The following STK33 variants were observed in gnomAD, a reference collection of about 807,000 sequenced individuals.
STK33 encodes the protein serine/threonine kinase 33.
In STK33, 52 loss-of-function variants were observed where a neutral mutation model predicts 58.0. The ratio of observed to expected loss-of-function variants is 0.90; its 90% CI spans 0.72 to 1.13. The LOEUF is 1.13. STK33 is among the 50% of genes most tolerant of loss of function. The probability of loss-of-function intolerance (pLI) is 0.00; values close to 1 mark genes in which losing one functional copy is unlikely to be tolerated. For missense variants in STK33, 630 were observed against 604.2 expected (o/e 1.04, Z -0.45); for synonymous variants, 215 against 200.1 (o/e 1.07, Z -0.63).
chr11:8,381,803 G>A, the STK33 span, among the ~76,000 whole-genome samples: 2 of 152,146 alleles, frequency 1.3e-5, no homozygotes, highest in African/African-American at 4.8e-5. Context: ...TGTGGTCTGA[G>A]CCATTTCACT....
chr11:8,425,248 T>C (rs1162560435), intron 14 of STK33, among the ~76,000 whole-genome samples: 2 of 152,234 alleles, frequency 1.3e-5, no homozygotes, highest in Non-Finnish European at 2.9e-5. Context: ...AGGGAATCGT[T>C]TCCCCATTTC....
chr11:8,357,823 C>T, the STK33 span, among the ~76,000 whole-genome samples: 1 of 152,220 alleles, frequency 6.6e-6, no homozygotes, highest in Non-Finnish European at 1.5e-5. Context: ...GGGAGCTCTA[C>T]ATGGGGCCAC....
downstream of STK33, among the ~76,000 whole-genome samples, chr11:8,389,045 T>A (rs1848582547): frequency 6.6e-6 from 1 of 152,226 alleles, no homozygotes; most frequent in Non-Finnish European, 1.5e-5. Context: ...GGAAAGGGTC[T>A]CCACCACTTG....
intron 1 of STK33, among the ~76,000 whole-genome samples, chr11:8,585,353 T>G (rs2031353282): frequency 6.7e-6 from 1 of 149,434 alleles, no homozygotes; most frequent in African/African-American, 2.5e-5. Flanking sequence ...ACCTCCTGAG[T>G]AGCTGGGACT....
chr11:8,435,904 A>G, intron 13 of STK33, 123 bp downstream of exon 13: 1 of 539,442 alleles, frequency 1.9e-6, no homozygotes, highest in Non-Finnish European at 3.1e-6. Flanking sequence ...CCACAAGTAA[A>G]TAGTGTTCAT....
chr11:8,457,968 A>G (rs923443640), intron 8 of STK33, among the ~76,000 whole-genome samples: 3 of 152,166 alleles, frequency 2.0e-5, no homozygotes, highest in African/African-American at 7.2e-5. Flanking sequence ...TGAAGTGGTG[A>G]GGAGTGAGGC....
chr11:8,497,292 A>ATAGACACATAT (rs1459774196), intron 1 of STK33, among the ~76,000 whole-genome samples: 12 of 152,328 alleles, frequency 7.9e-5, no homozygotes, highest in African/African-American at 2.9e-4. Flanking sequence ...AAGATCATAC[A>ATAGACACATAT]TAGACACATA....
At chr11:8,548,130 G>C (rs982326048) in intron 1 of STK33, among the ~76,000 whole-genome samples, 2 of 150,514 alleles carry the variant, frequency 1.3e-5, no homozygotes, top group Non-Finnish European at 3.0e-5. Flanking sequence ...CCTGCACGTT[G>C]TGCACATGTA....
chr11:8,592,117 T>C (rs1341036247), intron 1 of STK33, among the ~76,000 whole-genome samples: 7 of 152,092 alleles, frequency 4.6e-5, no homozygotes, highest in Non-Finnish European at 7.4e-5. Flanking sequence ...ATCAGCCCAG[T>C]CTTGATTCCA....
the STK33 span, among the ~76,000 whole-genome samples, chr11:8,346,361 C>T: frequency 1.2e-4 from 19 of 152,266 alleles, no homozygotes; most frequent in Admixed American, 6.5e-4. Context: ...GCAGTCCCTG[C>T]GGTCAGCCTC....
intron 1 of STK33, among the ~76,000 whole-genome samples, chr11:8,517,746 G>C (rs988007701): frequency 2.0e-5 from 3 of 152,164 alleles, no homozygotes; most frequent in African/African-American, 7.2e-5. Flanking sequence ...ATCAGTGATT[G>C]AACATGAAAT....
intron 1 of STK33, among the ~76,000 whole-genome samples, chr11:8,534,559 TC>T (rs1954822108): frequency 7.7e-6 from 1 of 129,226 alleles, no homozygotes; most frequent in Non-Finnish European, 1.6e-5. Context: ...TCTCTCTCTC[TC>T]TCTCTCTCTG....
At chr11:8,444,988 C>T (rs1320807947) in intron 11 of STK33, among the ~76,000 whole-genome samples, 1 of 152,120 alleles carries the variant, frequency 6.6e-6, no homozygotes, top group Non-Finnish European at 1.5e-5. Context: ...GACACTATGG[C>T]GATTTTCATG....
the STK33 span, among the ~76,000 whole-genome samples, chr11:8,361,742 C>T: frequency 6.6e-6 from 1 of 152,250 alleles, no homozygotes; most frequent in Non-Finnish European, 1.5e-5. The surrounding 1 kb of genome is among the most constrained non-coding windows in gnomAD (Gnocchi z 4.8). Flanking sequence ...TGGTGGAACG[C>T]CTCTGCAAGG....
intron 1 of STK33, among the ~76,000 whole-genome samples, chr11:8,494,615 C>T (rs1407376915): frequency 6.6e-6 from 1 of 152,008 alleles, no homozygotes; most frequent in African/African-American, 2.4e-5. Flanking sequence ...CATACGGAAC[C>T]AAAAAAGAGC....
chr11:8,561,505 A>G (rs944840029), intron 1 of STK33, among the ~76,000 whole-genome samples: 1 of 151,988 alleles, frequency 6.6e-6, no homozygotes, highest in African/African-American at 2.4e-5. Context: ...TTACATACTT[A>G]TTTGATATTG....
chr11:8,386,620 C>T, the STK33 span, among the ~76,000 whole-genome samples: 61 of 152,190 alleles, frequency 4.0e-4, 1 homozygote, highest in African/African-American at 9.9e-4. Context: ...CCAGAGCAGA[C>T]GTCTCCCGTC....
At chr11:8,504,345 G>C (rs558873234) in intron 1 of STK33, among the ~76,000 whole-genome samples, 8 of 152,184 alleles carry the variant, frequency 5.3e-5, no homozygotes, top group Non-Finnish European at 1.2e-4. Flanking sequence ...TTGACAACTA[G>C]GTCAATTCTC....
chr11:8,577,335 T>G (rs1276811650), intron 1 of STK33, among the ~76,000 whole-genome samples: 3 of 151,930 alleles, frequency 2.0e-5, no homozygotes, highest in African/African-American at 7.3e-5. Context: ...GAAGGAAAAA[T>G]CAAAGATATT....
Sources: allele counts gnomAD v4.1 joint callset (sites outside exome capture counted in the v4.1 genomes callset), GRCh38; gene constraint gnomAD v4.1.1; non-coding constraint Gnocchi (gnomAD v3.1); transcripts MANE v1.5; gene names NCBI Gene and HGNC (gene_info 2026-07-23, HGNC 2026-07-21).